The following MECOM variants were observed in gnomAD, a reference collection of about 807,000 sequenced individuals.
MECOM encodes histone-lysine N-methyltransferase MECOM.
MECOM carries 13 observed loss-of-function variants against 116.3 expected under a neutral mutation model. The observed-to-expected ratio is 0.11, with a 90% CI of 0.07 to 0.18. The LOEUF (loss-of-function observed/expected upper bound fraction) is 0.18, where lower values mean the gene tolerates loss of function less well. MECOM is among the 10% of genes least tolerant of loss of function. The pLI, the probability that MECOM is intolerant of heterozygous loss-of-function variation, is 1.00. For missense variants in MECOM, 1,299 were observed against 1,509.0 expected (o/e 0.86, Z 2.31); for synonymous variants, 528 against 535.2 (o/e 0.99, Z 0.19).
chr3:169,290,616 A>C (rs529864988), intron 2 of MECOM, among the ~76,000 whole-genome samples: 1 of 152,302 alleles, frequency 6.6e-6, no homozygotes, highest in Admixed American at 6.5e-5. Flanking sequence ...TGTGGATGCA[A>C]GTAAAGAGCT....
intron 2 of MECOM, among the ~76,000 whole-genome samples, chr3:169,342,515 C>G (rs1486908349): frequency 2.0e-5 from 3 of 152,044 alleles, no homozygotes; most frequent in African/African-American, 7.2e-5. Flanking sequence ...TTTACCTGAT[C>G]TTTTGCACAT....
At chr3:169,441,902 TTGTTTTGTTTTGTTA>T (rs1442255629) in intron 1 of MECOM, among the ~76,000 whole-genome samples, 4 of 150,874 alleles carry the variant, frequency 2.7e-5, no homozygotes, top group East Asian at 2.0e-4. Flanking sequence ...GGCTAATGTT[TTGTTTTGTTTTGTTA>T]TGTTTTGTTT....
intron 1 of MECOM, among the ~76,000 whole-genome samples, chr3:169,502,881 T>C (rs1039303140): frequency 6.6e-6 from 1 of 152,202 alleles, no homozygotes; most frequent in Admixed American, 6.5e-5. Flanking sequence ...ATATGCTTCA[T>C]ATATTAGGTT....
chr3:169,333,119 T>C (rs564623609), intron 2 of MECOM, among the ~76,000 whole-genome samples: 1 of 152,302 alleles, frequency 6.6e-6, no homozygotes, highest in East Asian at 1.9e-4. Context: ...CAGAAGAATA[T>C]AAAGGTCTGC....
intron 1 of MECOM, among the ~76,000 whole-genome samples, chr3:169,531,460 C>T (rs754620834): frequency 1.3e-5 from 2 of 152,186 alleles, no homozygotes; most frequent in Non-Finnish European, 2.9e-5. Context: ...CACTGTCTCT[C>T]ATATGACCCT....
At chr3:169,263,114 T>C (rs1757782909) in intron 2 of MECOM, among the ~76,000 whole-genome samples, 4 of 100,050 alleles carry the variant, frequency 4.0e-5, no homozygotes, top group Non-Finnish European at 5.5e-5. Context: ...TATATATATA[T>C]ATATATATAT....
chr3:169,617,742 C>T (rs553231185), intron 1 of MECOM, among the ~76,000 whole-genome samples: 7 of 152,080 alleles, frequency 4.6e-5, no homozygotes, highest in Non-Finnish European at 8.8e-5. Flanking sequence ...ATGGGAGGGG[C>T]GGGATTATAA....
chr3:169,492,288 T>C (rs1051999612), intron 1 of MECOM, among the ~76,000 whole-genome samples: 1 of 152,242 alleles, frequency 6.6e-6, no homozygotes, highest in Admixed American at 6.5e-5. Flanking sequence ...GTTGACCAAC[T>C]CAATGAAACA....
chr3:169,586,883 A>T (rs941467034), intron 1 of MECOM, among the ~76,000 whole-genome samples: 4 of 152,222 alleles, frequency 2.6e-5, no homozygotes, highest in Non-Finnish European at 5.9e-5. Flanking sequence ...CTTACTAGGT[A>T]TCAGCAGTTA....
chr3:169,613,644 C>T (rs911706069), intron 1 of MECOM: 8 of 152,228 alleles, frequency 5.3e-5, no homozygotes, highest in African/African-American at 1.4e-4. Flanking sequence ...GCTTCAAAGC[C>T]AGTGAGTTCA....
intron 2 of MECOM, among the ~76,000 whole-genome samples, chr3:169,192,293 G>A (rs981787337): frequency 6.6e-6 from 1 of 151,972 alleles, no homozygotes; most frequent in Non-Finnish European, 1.5e-5. Flanking sequence ...AACACGTTTA[G>A]CAATTCAAGG....
chr3:169,624,952 A>G (rs1277104361), intron 1 of MECOM, among the ~76,000 whole-genome samples: 3 of 151,770 alleles, frequency 2.0e-5, no homozygotes, highest in Non-Finnish European at 4.4e-5. Flanking sequence ...GGAATTTCTC[A>G]TCAAGATTGA....
intron 2 of MECOM, among the ~76,000 whole-genome samples, chr3:169,276,998 A>ACG: frequency 1.7e-5 from 1 of 57,628 alleles, no homozygotes; most frequent in African/African-American, 3.9e-4. Flanking sequence ...AATTTATGTT[A>ACG]CACACACACA....
chr3:169,610,842 C>G (rs1445402199), intron 1 of MECOM, among the ~76,000 whole-genome samples: 3 of 152,146 alleles, frequency 2.0e-5, no homozygotes. Context: ...TATCCCCAGC[C>G]TCTAGAACAA....
intron 1 of MECOM, among the ~76,000 whole-genome samples, chr3:169,599,467 C>T (rs1016223666): frequency 7.0e-6 from 1 of 143,192 alleles, no homozygotes; most frequent in Admixed American, 7.2e-5. Flanking sequence ...GAGCCAAGAT[C>T]AAGCCACTGC....
At chr3:169,301,029 T>A (rs1716613035) in intron 2 of MECOM, among the ~76,000 whole-genome samples, 1 of 152,224 alleles carries the variant, frequency 6.6e-6, no homozygotes, top group Non-Finnish European at 1.5e-5. Flanking sequence ...CTTAGCTCTG[T>A]TTCTATATTG....
rs1578058408 is a variant in MECOM at position 169,423,895 on chromosome 3, A to G, written c.38-42371T>C. ...TTAATTAAGCCATCATTAATTGCCA[A>G]AGAGGTAATATGTAATCTAGAACCA... On this transcript the variant is annotated intron_variant, in intron 1 of 16. Coordinates refer to ENST00000651503, the MANE Select transcript of MECOM (RefSeq NM_004991.4). Among the ~76,000 whole-genome samples, 3 of 152,126 alleles carry G rather than the reference A, an allele frequency of 2.0e-5. No individual in the cohort carries two copies. The East Asian group carries it at 5.8e-4, about 29-fold the overall frequency.
chr3:169,533,243 C>A (rs1758875056), intron 1 of MECOM, among the ~76,000 whole-genome samples: 1 of 152,080 alleles, frequency 6.6e-6, no homozygotes, highest in African/African-American at 2.4e-5. Context: ...ATATCAGACC[C>A]CGGAATCAAC....
At chr3:169,204,951 C>T (rs1025599068) in intron 2 of MECOM, among the ~76,000 whole-genome samples, 1 of 152,126 alleles carries the variant, frequency 6.6e-6, no homozygotes, top group Non-Finnish European at 1.5e-5. Context: ...TCAGTGTAGA[C>T]AACAGTGTGG....
Sources: gnomAD v4.1 joint callset for allele counts (sites outside exome capture counted in the v4.1 genomes callset) on GRCh38, gnomAD v4.1.1 for gene constraint, MANE v1.5 for transcripts, NCBI Gene and HGNC (gene_info 2026-07-23, HGNC 2026-07-21) for gene names.